The following ALDH3A1 variants were observed in gnomAD, a reference collection of about 807,000 sequenced individuals.
ALDH3A1 encodes aldehyde dehydrogenase, dimeric NADP-preferring.
Under a neutral mutation model 49.9 loss-of-function variants are expected in ALDH3A1, and 46 were observed. The observed-to-expected ratio is 0.92, with a 90% confidence interval of 0.73 to 1.18. The LOEUF (loss-of-function observed/expected upper bound fraction) is 1.18. Ranked by LOEUF, ALDH3A1 falls within the 50% of genes most tolerant of loss-of-function variation. The pLI is 0.00. For missense variants in ALDH3A1, 592 were observed against 611.8 expected (o/e 0.97, Z 0.34); for synonymous variants, 269 against 253.3 (o/e 1.06, Z -0.59).
At chr17:19,739,364 T>A in intron 8 of ALDH3A1, 144 bp downstream of exon 8, 1 of 1,046,096 alleles carries the variant, frequency 9.6e-7, no homozygotes, top group South Asian at 1.6e-5. Flanking sequence ...GCTGTCCTGA[T>A]CTTACAGACG....
At chr17:19,738,274 C>T (rs759044533) in intron 10 of ALDH3A1, 39 bp from the exon 11 acceptor site, 2 of 1,614,042 alleles carry the variant, frequency 1.2e-6, no homozygotes, top group Non-Finnish European at 1.7e-6. Context: ...ATCCCCAGGC[C>T]CTGGTCCCGC....
intron 6 of ALDH3A1, among the ~76,000 whole-genome samples, chr17:19,740,775 CCTT>C (rs1387591167): frequency 6.6e-6 from 1 of 152,072 alleles, no homozygotes; most frequent in East Asian, 1.9e-4. Flanking sequence ...CTCGCCGTAG[CCTT>C]CTAAGTAGCT....
At chr17:19,744,900 A>ACCCC in intron 2 of ALDH3A1, 68 bp downstream of exon 2, 19 of 270,602 alleles carry the variant, frequency 7.0e-5, no homozygotes, top group Non-Finnish European at 8.5e-5. Flanking sequence ...CACTCTCCCC[A>ACCCC]GCCCCTCCCC....
At chr17:19,739,804 G>T in intron 7 of ALDH3A1, 130 bp from the exon 8 acceptor site, 1 of 1,181,106 alleles carries the variant, frequency 8.5e-7, no homozygotes, top group Non-Finnish European at 1.2e-6. Flanking sequence ...GGGCAGGGAC[G>T]AGGCCTCAGA....
Position 19,745,148 on chromosome 17 carries a change from G to T in ALDH3A1, c.-5-14C>A, listed in dbSNP as rs201999351. ...TGCTCATGGCGCCTGGGGACAGAGA[G>T]CACCTGCAGCTGGCTGAGGGGCACG... On this transcript the variant is annotated splice_polypyrimidine_tract_variant and intron_variant, in intron 1 of 10. Transcript: ENST00000225740. The T allele has an allele frequency of 4.5e-6, 7 of 1,554,076 alleles. No individual in the cohort carries two copies. The Admixed American group carries it at 1.1e-4, about 24-fold the overall frequency.
In ALDH3A1 at chr17:19,742,165, C is replaced by T. The variant is rs764247730; in HGVS notation, c.528G>A (p.Leu176=). 2 of 1,614,088 alleles carry T rather than the reference C, an allele frequency of 1.2e-6. No homozygotes were observed. ...INGGVPETTE[L]LKERFDHILY... ...GGATATGGTCGAACCTCTCCTTGAGCAGCTCCGTGGTCTCAGGGACACCCC... is the reference window on the plus strand; with the variant it reads ...GGATATGGTCGAACCTCTCCTTGAGTAGCTCCGTGGTCTCAGGGACACCCC... The change falls in exon 5 of 11, where the codon CTG becomes CTA. Residue 176 remains leucine (L), a synonymous_variant. Transcript: ENST00000225740.
intron 1 of ALDH3A1, 166 bp from the exon 2 acceptor site, chr17:19,745,300 T>C: frequency 1.4e-6 from 1 of 701,048 alleles, no homozygotes. Flanking sequence ...CGCCCCTCAC[T>C]CAGACGCCTG....
At chr17:19,746,671 G>A (rs1244305237) in intron 1 of ALDH3A1, among the ~76,000 whole-genome samples, 3 of 148,260 alleles carry the variant, frequency 2.0e-5, no homozygotes, top group Non-Finnish European at 4.4e-5. Context: ...GTGTGTGCGT[G>A]TGTGTGCATG....
At chr17:19,745,205 C>T in intron 1 of ALDH3A1, 71 bp from the exon 2 acceptor site, 1 of 1,447,620 alleles carries the variant, frequency 6.9e-7, no homozygotes. Flanking sequence ...TGCCTGAATT[C>T]TATAGGAAGG....
chr17:19,740,201 G>T lies in ALDH3A1; in HGVS notation c.949+135C>A. On this transcript the variant is annotated intron_variant, in intron 7 of 10. Transcript: ENST00000225740. ...CCCTGCCTGCTGGAGTCTACCGCAGGCTCCCTGGTGAAAGCAATTTATACC... is the reference window on the plus strand; with the variant it reads ...CCCTGCCTGCTGGAGTCTACCGCAGTCTCCCTGGTGAAAGCAATTTATACC... 3 of 1,201,508 alleles carry T rather than the reference G, an allele frequency of 2.5e-6. No individual in the cohort carries two copies. In the South Asian group the frequency reaches 4.4e-5, roughly 18 times the overall value. 74.4% of individuals were successfully genotyped at this position (1,201,508 alleles called of 1,614,324 possible). A position where few individuals can be genotyped will look rare whatever the true frequency, so the allele number is the denominator to read the frequency against.
chr17:19,739,801 G>C (rs1440200053), intron 7 of ALDH3A1, 127 bp from the exon 8 acceptor site: 2 of 1,231,040 alleles, frequency 1.6e-6, no homozygotes, highest in South Asian at 3.0e-5. Context: ...AAAGGGCAGG[G>C]ACGAGGCCTC....
chr17:19,738,454 C>T lies in ALDH3A1; in HGVS notation c.1217-1G>A. The T allele has an allele frequency of 2.5e-6, 4 of 1,609,588 alleles. No individual in the cohort carries two copies. The highest frequency in any genetic ancestry group is 3.4e-6 in the Non-Finnish European group (4 of 1,176,672). On this transcript the variant is annotated splice_acceptor_variant, in intron 9 of 10. Transcript: ENST00000225740. LOFTEE classifies it high-confidence loss of function. Reference sequence around the variant, plus strand: ...TGGTAGGATCCCATGCCGCTGTTCCCTGCGGAGGAGAAGTAAGCACAGGGC... The same window carrying T: ...TGGTAGGATCCCATGCCGCTGTTCCTTGCGGAGGAGAAGTAAGCACAGGGC...
Position 19,743,447 on chromosome 17 carries a change from T to C in ALDH3A1, c.179A>G (p.Tyr60Cys), listed in dbSNP as rs757820701. ...ADLHKNEWNA[Y>C]YEEVVYVLEE... Reference sequence around the variant, plus strand: ...TAGGACGTACACCACCTCCTCATAGTAGGCGTTCCATTCATTCTGCAGCGA... The same window carrying C: ...TAGGACGTACACCACCTCCTCATAGCAGGCGTTCCATTCATTCTGCAGCGA... Residue 60 changes from tyrosine to cysteine, a missense_variant, in exon 3 of 11, where the codon TAC (tyrosine) becomes TGC (cysteine). By Grantham distance (194) the Tyr-to-Cys change is radical. Coordinates refer to ENST00000225740, the MANE Select transcript of ALDH3A1 (RefSeq NM_000691.5). This position sits in a 1 kb window ranked among gnomAD's most constrained non-coding sequence, Gnocchi z 4.4. 9.9e-5 allele frequency: 159 copies of C among 1,603,130 alleles called. No individual in the cohort carries two copies. Among genetic ancestry groups the C allele is most frequent in the Non-Finnish European group, 1.3e-4 (158 of 1,173,338 alleles).
intron 9 of ALDH3A1, 43 bp from the exon 10 acceptor site, chr17:19,738,496 A>C (rs1445220603): frequency 6.3e-7 from 1 of 1,588,954 alleles, no homozygotes; most frequent in Non-Finnish European, 8.6e-7. Flanking sequence ...TCCTGCCCCC[A>C]GGACGCCCCA....
At chr17:19,741,304 A>T in intron 5 of ALDH3A1, 94 bp from the exon 6 acceptor site, 3 of 1,113,634 alleles carry the variant, frequency 2.7e-6, no homozygotes, top group African/African-American at 1.5e-5. Context: ...AGCAGAAGCC[A>T]TCGGCTGTGA....
Position 19,740,426 on chromosome 17 carries a change from T to C in ALDH3A1, c.859A>G (p.Ser287Gly), listed in dbSNP as rs2086469891. Residue 287 changes from serine (S) to glycine (G), a missense_variant, in exon 7 of 11, where the codon AGT becomes GGT. Physicochemically the swap from Ser to Gly is moderately conservative, Grantham distance 56. Transcript: ENST00000225740. ...KKSRDYGRII[S>G]ARHFQRVMGL... is the part of the protein sequence containing the mutation. ...ATCACCCTCTGGAAGTGCCGGGCAC[T>C]AATGATTCTTCCATAGTCCCGGGAT... 1.2e-6 allele frequency: 2 copies of C among 1,614,034 alleles called. No homozygotes were observed. Among genetic ancestry groups the C allele is most frequent in the Admixed American group, 3.3e-5 (2 of 60,010 alleles).
chr17:19,742,798 C>CG (rs1567653712), intron 3 of ALDH3A1, 168 bp from the exon 4 acceptor site: 1 of 1,535,204 alleles, frequency 6.5e-7, no homozygotes, highest in Non-Finnish European at 8.7e-7. Context: ...GGAGCACGCA[C>CG]GGGCACATGA....
At position 19,741,083 on chromosome 17, in the gene ALDH3A1, C is replaced by A; in HGVS notation, c.807+10G>T. ...CTCTCATCCCACCCTGCCAAGGGGT[C>A]AACACTCACTTTCAGTGACTTCTTG... On this transcript the variant is annotated intron_variant, in intron 6 of 10. Coordinates refer to ENST00000225740, the MANE Select transcript of ALDH3A1 (RefSeq NM_000691.5). 2 of 1,609,264 alleles carry A rather than the reference C, an allele frequency of 1.2e-6. No individual in the cohort carries two copies. Among genetic ancestry groups the A allele is most frequent in the South Asian group, 2.2e-5 (2 of 90,932 alleles).
At chr17:19,738,903 G>A (rs753567783) in intron 9 of ALDH3A1, 93 bp downstream of exon 9, 101 of 1,144,924 alleles carry the variant, frequency 8.8e-5, no homozygotes, top group Non-Finnish European at 1.1e-4. Flanking sequence ...GCTGCCGCCC[G>A]GGCTGCAGGA....
Sources: gnomAD v4.1 joint callset for allele counts (sites outside exome capture counted in the v4.1 genomes callset) on GRCh38, gnomAD v4.1.1 for gene constraint, Gnocchi (gnomAD v3.1) non-coding constraint, MANE v1.5 for transcripts, NCBI Gene and HGNC (gene_info 2026-07-23, HGNC 2026-07-21) for gene names.